Variants in ARL15 observed in about 807,000 individuals in gnomAD.
The protein encoded by ARL15 is ADP-ribosylation factor-like protein 15.
ARL15 carries 19 observed loss-of-function variants against 25.2 expected under a neutral mutation model. The observed-to-expected ratio is 0.75, with a 90% CI of 0.53 to 1.10. ARL15 has a LOEUF of 1.10. Ranked by LOEUF, ARL15 falls within the 50% of genes least tolerant of loss-of-function variation. The pLI is 0.00. For missense variants in ARL15, 220 were observed against 246.0 expected (o/e 0.89, Z 0.71); for synonymous variants, 94 against 86.8 (o/e 1.08, Z -0.46).
chr5:53,977,197 A>T (rs1157196990), intron 4 of ARL15, among the ~76,000 whole-genome samples: 1 of 151,928 alleles, frequency 6.6e-6, no homozygotes, highest in Non-Finnish European at 1.5e-5. Flanking sequence ...CTCTACTAAA[A>T]ATACAAAAAA....
At chr5:54,035,989 T>TA (rs1225580337) in intron 4 of ARL15, among the ~76,000 whole-genome samples, 1 of 151,798 alleles carries the variant, frequency 6.6e-6, no homozygotes, top group Non-Finnish European at 1.5e-5. Context: ...ATCCCATTTC[T>TA]AAAAAAAGAA....
chr5:54,010,406 A>G (rs1399422610), intron 4 of ARL15, among the ~76,000 whole-genome samples: 2 of 152,208 alleles, frequency 1.3e-5, no homozygotes, highest in Non-Finnish European at 2.9e-5. Context: ...ACTGCTAAAC[A>G]TTAGTATTTC....
chr5:53,999,314 C>T (rs749056508), intron 4 of ARL15, among the ~76,000 whole-genome samples: 2 of 152,198 alleles, frequency 1.3e-5, no homozygotes, highest in East Asian at 1.9e-4. Context: ...GAAGGCCGGG[C>T]GTGGTGGCTC....
chr5:54,106,401 G>A (rs774697395), intron 4 of ARL15, among the ~76,000 whole-genome samples: 8 of 152,138 alleles, frequency 5.3e-5, no homozygotes, highest in African/African-American at 7.2e-5. Flanking sequence ...GGTAAGATTC[G>A]GAGGTAGTCA....
chr5:54,218,116 T>C (rs1048945649), intron 1 of ARL15, among the ~76,000 whole-genome samples: 1 of 152,138 alleles, frequency 6.6e-6, no homozygotes, highest in African/African-American at 2.4e-5. Flanking sequence ...CAACCTCCCA[T>C]TTATTTGTGT....
chr5:53,972,912 G>C (rs995805818), intron 4 of ARL15, among the ~76,000 whole-genome samples: 2 of 152,132 alleles, frequency 1.3e-5, no homozygotes, highest in East Asian at 1.9e-4. Flanking sequence ...AATACTAGCA[G>C]AGTTTCCTTA....
chr5:54,284,030 C>A (rs1366354384), intron 1 of ARL15, among the ~76,000 whole-genome samples: 3 of 152,144 alleles, frequency 2.0e-5, no homozygotes, highest in Non-Finnish European at 2.9e-5. Flanking sequence ...GATAAGAGAA[C>A]CCAAAGATGC....
At chr5:54,297,166 T>C (rs1157765629) in intron 1 of ARL15, among the ~76,000 whole-genome samples, 1 of 152,120 alleles carries the variant, frequency 6.6e-6, no homozygotes, top group Non-Finnish European at 1.5e-5. Flanking sequence ...CTAAGAGGGG[T>C]TGCACTACCA....
At chr5:54,302,424 C>T (rs969678096) in intron 1 of ARL15, among the ~76,000 whole-genome samples, 2 of 152,220 alleles carry the variant, frequency 1.3e-5, no homozygotes, top group Middle Eastern at 3.4e-3. Flanking sequence ...TTGTGGTTAA[C>T]AGCACTGTTG....
chr5:54,223,891 G>A (rs1756445332), intron 1 of ARL15, among the ~76,000 whole-genome samples: 1 of 152,114 alleles, frequency 6.6e-6, no homozygotes. Context: ...AGTACTGGAG[G>A]CATGTCAGGA....
intron 4 of ARL15, among the ~76,000 whole-genome samples, chr5:54,003,813 A>C (rs997651498): frequency 2.0e-5 from 3 of 152,138 alleles, no homozygotes; most frequent in Middle Eastern, 3.2e-3. Context: ...AAATACAGCT[A>C]ATGGGCATAT....
intron 1 of ARL15, among the ~76,000 whole-genome samples, chr5:54,235,495 C>CTTT (rs35079877): frequency 2.1e-5 from 3 of 145,694 alleles, no homozygotes; most frequent in African/African-American, 2.5e-5. Context: ...ATAGTTAAAC[C>CTTT]TTTTTTTTTT....
intron 4 of ARL15, among the ~76,000 whole-genome samples, chr5:53,900,153 C>T (rs570492287): frequency 6.6e-6 from 1 of 152,254 alleles, no homozygotes; most frequent in African/African-American, 2.4e-5. Flanking sequence ...CTAGTGTGTG[C>T]CCACTGGATT....
At chr5:53,945,601 A>G (rs970164017) in intron 4 of ARL15, among the ~76,000 whole-genome samples, 8 of 152,226 alleles carry the variant, frequency 5.3e-5, no homozygotes, top group African/African-American at 1.9e-4. Context: ...AAACTTTACA[A>G]TTGCAAACAC....
intron 4 of ARL15, among the ~76,000 whole-genome samples, chr5:54,050,670 T>A (rs1750678664): frequency 6.6e-6 from 1 of 152,182 alleles, no homozygotes; most frequent in Admixed American, 6.5e-5. Context: ...TATAAACCAA[T>A]ATTTTAAAAT....
chr5:54,279,608 A>G (rs1334268834), intron 1 of ARL15, among the ~76,000 whole-genome samples: 2 of 152,084 alleles, frequency 1.3e-5, no homozygotes, highest in Non-Finnish European at 2.9e-5. Flanking sequence ...GCTTCAACAC[A>G]TGAGTTTTGT....
At chr5:54,241,724 G>A (rs1207459376) in intron 1 of ARL15, among the ~76,000 whole-genome samples, 1 of 152,104 alleles carries the variant, frequency 6.6e-6, no homozygotes, top group Admixed American at 6.5e-5. Context: ...GACAAGATAT[G>A]TAGCAAGCAC....
At chr5:54,058,331 C>T (rs933592034) in intron 4 of ARL15, among the ~76,000 whole-genome samples, 6 of 152,068 alleles carry the variant, frequency 3.9e-5, no homozygotes, top group African/African-American at 1.4e-4. Context: ...AAAGATCCCT[C>T]ACACTTCATT....
chr5:54,166,753 T>C (rs1170254025), intron 2 of ARL15, among the ~76,000 whole-genome samples: 3 of 152,140 alleles, frequency 2.0e-5, no homozygotes, highest in Non-Finnish European at 4.4e-5. Flanking sequence ...AATAACAGTT[T>C]TAATGTCCCC....
Sources: gnomAD v4.1 joint callset for allele counts (sites outside exome capture counted in the v4.1 genomes callset) on GRCh38, gnomAD v4.1.1 for gene constraint, MANE v1.5 for transcripts, NCBI Gene and HGNC (gene_info 2026-07-23, HGNC 2026-07-21) for gene names.